SKI: variants seen among roughly 807,000 people sequenced by gnomAD.
SKI encodes SKI proto-oncogene.
In SKI, 23 loss-of-function variants were observed where a neutral mutation model predicts 59.3. The observed-to-expected ratio is 0.39, with a 90% confidence interval of 0.28 to 0.55. SKI has a LOEUF of 0.55. SKI is among the 20% of genes least tolerant of loss of function. SKI has a pLI of 0.67. For synonymous variants in SKI, 673 were observed against 488.6 expected (o/e 1.38, Z -4.98); for missense variants, 1,017 against 1,038.9 (o/e 0.98, Z 0.29).
At chr1:2,253,843 G>A (rs1639218379) in intron 1 of SKI, among the ~76,000 whole-genome samples, 2 of 152,154 alleles carry the variant, frequency 1.3e-5, no homozygotes, top group African/African-American at 4.8e-5. Flanking sequence ...CAGAGGGGAG[G>A]TGTGTGCGGG....
intron 1 of SKI, among the ~76,000 whole-genome samples, chr1:2,286,884 A>G (rs1343093925): frequency 6.6e-6 from 1 of 152,266 alleles, no homozygotes; most frequent in Non-Finnish European, 1.5e-5. Flanking sequence ...CTGCTCATGC[A>G]TGCTCTGTGG....
At chr1:2,287,749 T>G (rs1376277546) in intron 1 of SKI, among the ~76,000 whole-genome samples, 1 of 152,160 alleles carries the variant, frequency 6.6e-6, no homozygotes, top group East Asian at 1.9e-4. Flanking sequence ...ACAGGGCTTG[T>G]GGCAGCCGTG....
chr1:2,257,572 A>G (rs1639300038), intron 1 of SKI, among the ~76,000 whole-genome samples: 2 of 152,242 alleles, frequency 1.3e-5, no homozygotes, highest in South Asian at 4.1e-4. Context: ...CCTTCATCCA[A>G]GAGCCGGGCT....
At chr1:2,275,601 C>T (rs1044142522) in intron 1 of SKI, among the ~76,000 whole-genome samples, 1 of 152,136 alleles carries the variant, frequency 6.6e-6, no homozygotes, top group Non-Finnish European at 1.5e-5. Flanking sequence ...GCAAGCTCCG[C>T]TCCCGGGTTC....
chr1:2,247,374 A>AG (rs1639022297), intron 1 of SKI, among the ~76,000 whole-genome samples: 2 of 152,242 alleles, frequency 1.3e-5, no homozygotes, highest in African/African-American at 4.8e-5. Context: ...CAAATGACCA[A>AG]GGGCCTGTTT....
Position 2,263,276 on chromosome 1 carries a change from C to T in SKI, c.969+33541C>T, listed in dbSNP as rs1403106965. Among the ~76,000 whole-genome samples the T allele has an allele frequency of 1.4e-4, 20 of 139,694 alleles. No homozygotes were observed. The East Asian group carries it at 1.9e-3, about 13-fold the overall frequency. The allele number at this position is 139,694 out of a possible 152,430, so 91.6% of individuals were successfully genotyped here. A position where few individuals can be genotyped will look rare whatever the true frequency, so the allele number is the denominator to read the frequency against. On this transcript the variant is annotated intron_variant, in intron 1 of 6. Transcript: ENST00000378536. ...TTTTGGAGACGGAGTCTTGCTCTGT[C>T]GCCCAGGCTGGAGTGCAGTGACACG...
At chr1:2,250,177 A>G (rs1236332854) in intron 1 of SKI, among the ~76,000 whole-genome samples, 1 of 152,170 alleles carries the variant, frequency 6.6e-6, no homozygotes, top group Non-Finnish European at 1.5e-5. Context: ...AAGTGCTGGG[A>G]TTACAGGCAT....
At chr1:2,306,471 A>C in intron 6 of SKI, 106 bp from the exon 7 acceptor site, 2 of 1,229,282 alleles carry the variant, frequency 1.6e-6, no homozygotes, top group East Asian at 2.6e-5. Context: ...GGCACGCGGC[A>C]CTGGGGAGGG....
At chr1:2,276,730 T>A (rs1055648585) in intron 1 of SKI, among the ~76,000 whole-genome samples, 2 of 152,220 alleles carry the variant, frequency 1.3e-5, no homozygotes, top group African/African-American at 4.8e-5. Context: ...GCCTCCACTG[T>A]GAGTATGTGG....
At chr1:2,237,335 C>G (rs952810337) in intron 1 of SKI, among the ~76,000 whole-genome samples, 1 of 152,192 alleles carries the variant, frequency 6.6e-6, no homozygotes, top group Non-Finnish European at 1.5e-5. Context: ...GTGCTCCCTG[C>G]GGTGCTCCTG....
intron 1 of SKI, among the ~76,000 whole-genome samples, chr1:2,300,295 A>G (rs546842224): frequency 1.2e-3 from 188 of 152,372 alleles, no homozygotes; most frequent in African/African-American, 4.2e-3. Context: ...AGCCCCTTGC[A>G]GGCCTATCCA....
rs562634577 is a variant in SKI at position 2,268,156 on chromosome 1, G to C, written c.970-34822G>C. Among the ~76,000 whole-genome samples, 1 of 152,344 alleles carries C rather than the reference G, an allele frequency of 6.6e-6. No individual in the cohort carries two copies. The highest frequency in any genetic ancestry group is 1.9e-4 in the East Asian group (1 of 5,186). ...AGGTGCCCCCTGGGTTGTGCGGCGG[G>C]GCCCTGGCTCTGTGGGTGGGTGGCT... On this transcript the variant is annotated intron_variant, in intron 1 of 6. Coordinates refer to ENST00000378536, the MANE Select transcript of SKI (RefSeq NM_003036.4). The surrounding 1 kb of genome is among the most constrained non-coding windows in gnomAD (Gnocchi z 5.0).
chr1:2,251,773 C>T (rs1639156961), intron 1 of SKI, among the ~76,000 whole-genome samples: 1 of 152,232 alleles, frequency 6.6e-6, no homozygotes, highest in Non-Finnish European at 1.5e-5. Context: ...GAAAAATGAA[C>T]CGCAAAGTAT....
rs143867467 is a variant in SKI at position 2,240,818 on chromosome 1, C to G, written c.969+11083C>G. 1,045 of 985,170 alleles carry G rather than the reference C, an allele frequency of 1.1e-3. 14 individuals carry two copies. In the African/African-American group the frequency reaches 0.017, roughly 16 times the overall value. The allele number at this position is 985,170 out of a possible 1,614,324, so 61.0% of individuals were successfully genotyped here. ...GTGAGAGGCGCGAGAAACCACAGCT[C>G]TTAGGAAAATCCGTGCTGCCCAGTG... On this transcript the variant is annotated intron_variant, in intron 1 of 6. Coordinates refer to ENST00000378536, the MANE Select transcript of SKI (RefSeq NM_003036.4).
At position 2,294,839 on chromosome 1, in the gene SKI, A is replaced by G. The variant is rs538972297; in HGVS notation, c.970-8139A>G. Among the ~76,000 whole-genome samples, 8 of 152,320 alleles carry G rather than the reference A, an allele frequency of 5.3e-5. No homozygotes were observed. In the East Asian group the frequency reaches 1.4e-3, roughly 26 times the overall value. On this transcript the variant is annotated intron_variant, in intron 1 of 6. Transcript: ENST00000378536. ...GGGGTCTGCGCCAGGCAACTCCCAC[A>G]GCAGGGCAGGATCCACCCTCCACGT... is the stretch of plus-strand genomic sequence containing the variant.
chr1:2,236,609 G>C (rs1638754051), intron 1 of SKI, among the ~76,000 whole-genome samples: 1 of 152,172 alleles, frequency 6.6e-6, no homozygotes, highest in Non-Finnish European at 1.5e-5. Context: ...GTTTTACCAT[G>C]TTGGCCAGGA....
chr1:2,298,825 C>T (rs779775149), intron 1 of SKI, among the ~76,000 whole-genome samples: 25 of 152,212 alleles, frequency 1.6e-4, no homozygotes, highest in Non-Finnish European at 2.4e-4. Context: ...TGGGCGGGCG[C>T]GTGTGCCAGC....
At chr1:2,300,879 G>A (rs773407677) in intron 1 of SKI, among the ~76,000 whole-genome samples, 2 of 152,152 alleles carry the variant, frequency 1.3e-5, no homozygotes, top group Non-Finnish European at 2.9e-5. Context: ...GAGCGGATTG[G>A]GCTCGGGGCC....
At chr1:2,271,606 C>CT (rs371415255) in intron 1 of SKI, among the ~76,000 whole-genome samples, 112 of 152,276 alleles carry the variant, frequency 7.4e-4, no homozygotes, top group African/African-American at 2.6e-3. Flanking sequence ...TTTTGTGCTA[C>CT]GCTGCTCTCG....
Sources: allele counts gnomAD v4.1 joint callset (sites outside exome capture counted in the v4.1 genomes callset), GRCh38; gene constraint gnomAD v4.1.1; non-coding constraint Gnocchi (gnomAD v3.1); transcripts MANE v1.5; gene names NCBI Gene and HGNC (gene_info 2026-07-23, HGNC 2026-07-21).